PDZD2: variants seen among roughly 807,000 people sequenced by gnomAD.
PDZD2 encodes PDZ domain-containing protein 2.
A neutral mutation model predicts 220.7 loss-of-function variants in PDZD2; 90 were observed. That is an observed-to-expected ratio of 0.41 (90% CI 0.34 to 0.49). The LOEUF is 0.49. Ranked by LOEUF, PDZD2 falls within the 20% of genes least tolerant of loss-of-function variation. The probability of loss-of-function intolerance (pLI) is 0.28; values close to 1 mark genes in which losing one functional copy is unlikely to be tolerated. For synonymous variants in PDZD2, 1,375 were observed against 1,450.5 expected (o/e 0.95, Z 1.18); for missense variants, 3,174 against 3,608.5 (o/e 0.88, Z 3.08).
At chr5:32,084,796 G>A (rs1462241024) in intron 19 of PDZD2, among the ~76,000 whole-genome samples, 2 of 151,940 alleles carry the variant, frequency 1.3e-5, no homozygotes, top group African/African-American at 4.8e-5. Flanking sequence ...CCAAGACTAT[G>A]CAGGGCCTTA....
intron 14 of PDZD2, among the ~76,000 whole-genome samples, chr5:32,062,016 T>A (rs1739738852): frequency 6.6e-6 from 1 of 152,132 alleles, no homozygotes; most frequent in Non-Finnish European, 1.5e-5. Flanking sequence ...AAGCAATCAA[T>A]CCACTTCGGG....
intron 2 of PDZD2, among the ~76,000 whole-genome samples, chr5:31,860,987 C>T (rs1279331885): frequency 6.6e-6 from 1 of 152,022 alleles, no homozygotes; most frequent in Non-Finnish European, 1.5e-5. Flanking sequence ...ATTCCATGCC[C>T]CAGAGACAAG....
rs535361976 is a variant in PDZD2 at position 31,749,639 on chromosome 5, G to A, written c.-360-49250G>A. On this transcript the variant is annotated intron_variant, in intron 1 of 24. Transcript: ENST00000438447. ...GCGTTTCACCATGTTGGCCAGGCTGGTCTCGAACTCCTGACCTTGTGATCT... is the reference window on the plus strand; with the variant it reads ...GCGTTTCACCATGTTGGCCAGGCTGATCTCGAACTCCTGACCTTGTGATCT... Among the ~76,000 whole-genome samples, 3 of 152,266 alleles carry A rather than the reference G, an allele frequency of 2.0e-5. No homozygotes were observed. In the East Asian group the frequency reaches 5.8e-4, roughly 29 times the overall value.
At position 32,089,229 on chromosome 5, in the gene PDZD2, T is replaced by G; in HGVS notation, c.5781T>G (p.Leu1927=). The G allele has an allele frequency of 6.2e-7, 1 of 1,614,080 alleles. No homozygotes were observed. Among genetic ancestry groups the G allele is most frequent in the Non-Finnish European group, 8.5e-7 (1 of 1,180,004 alleles). The part of the protein sequence containing the change: ...LISPQTSHKT[L]SKAVSQRLHV... ...CACCCCAGACCTCCCACAAAACACTTTCTAAGGCAGTGTCACAGCGGCTCC... is the reference window on the plus strand; with the variant it reads ...CACCCCAGACCTCCCACAAAACACTGTCTAAGGCAGTGTCACAGCGGCTCC... The change falls in exon 20 of 25, where the codon CTT becomes CTG. Residue 1927 remains leucine (L), a synonymous_variant. Transcript: ENST00000438447.
chr5:31,885,911 AG>A (rs1740418813), intron 2 of PDZD2, among the ~76,000 whole-genome samples: 1 of 130,292 alleles, frequency 7.7e-6, no homozygotes, highest in East Asian at 2.4e-4. Context: ...TTTTTGAGTT[AG>A]TTTTTTGGTT....
intron 2 of PDZD2, among the ~76,000 whole-genome samples, chr5:31,967,954 T>C (rs1748907709): frequency 6.6e-6 from 1 of 152,200 alleles, no homozygotes; most frequent in Non-Finnish European, 1.5e-5. Flanking sequence ...AAAATGCAGT[T>C]GATATGATTG....
At chr5:31,880,791 C>CTTTTTCCTTTT (rs1739798959) in intron 2 of PDZD2, among the ~76,000 whole-genome samples, 1 of 76,484 alleles carries the variant, frequency 1.3e-5, no homozygotes, top group African/African-American at 6.5e-5. Context: ...TTTTTTTTTT[C>CTTTTTCCTTTT]TTTTTTTTTT....
intron 2 of PDZD2, among the ~76,000 whole-genome samples, chr5:31,968,233 C>T (rs1412817248): frequency 6.6e-6 from 1 of 152,182 alleles, no homozygotes; most frequent in African/African-American, 2.4e-5. Flanking sequence ...TGGTGCATGT[C>T]TGTAATCCCA....
intron 2 of PDZD2, among the ~76,000 whole-genome samples, chr5:31,966,712 C>A (rs1057031515): frequency 6.6e-6 from 1 of 152,072 alleles, no homozygotes; most frequent in Non-Finnish European, 1.5e-5. Context: ...AGGAAAAATT[C>A]GAAAGAATTG....
chr5:31,658,122 A>T (rs973285765), intron 1 of PDZD2, among the ~76,000 whole-genome samples: 2 of 152,206 alleles, frequency 1.3e-5, no homozygotes, highest in Non-Finnish European at 2.9e-5. Context: ...GCAATCGCAG[A>T]ATAATGGTCT....
chr5:31,918,945 G>T (rs1482585978), intron 2 of PDZD2, among the ~76,000 whole-genome samples: 4 of 152,174 alleles, frequency 2.6e-5, no homozygotes, highest in Non-Finnish European at 5.9e-5. Flanking sequence ...GGGAACCGCT[G>T]AGTGCTGACT....
intron 2 of PDZD2, among the ~76,000 whole-genome samples, chr5:31,860,851 T>G (rs1337226922): frequency 6.6e-6 from 1 of 152,170 alleles, no homozygotes; most frequent in Non-Finnish European, 1.5e-5. Context: ...TACAGCACAT[T>G]AACTTTGAAA....
intron 2 of PDZD2, among the ~76,000 whole-genome samples, chr5:31,917,876 A>T (rs372299820): frequency 2.0e-5 from 3 of 152,092 alleles, no homozygotes; most frequent in Admixed American, 6.6e-5. Flanking sequence ...AGTAGATGGG[A>T]CTACAGGCGT....
Position 32,013,384 on chromosome 5 carries a change from G to T in PDZD2, c.1407+2902G>T, listed in dbSNP as rs565504252. 4.8e-5 allele frequency among the ~76,000 whole-genome samples: 7 copies of T among 146,772 alleles called. 1 individual carries two copies. The South Asian group carries it at 8.5e-4, about 18-fold the overall frequency. On this transcript the variant is annotated intron_variant, in intron 6 of 24. Coordinates refer to ENST00000438447, the MANE Select transcript of PDZD2 (RefSeq NM_178140.4). ...ATAGCAGTAAAATTGCTTAGTCAAA[G>T]GTTTTTTTCTGGGGAGATTATAGTA... is the stretch of plus-strand genomic sequence containing the variant.
intron 1 of PDZD2, among the ~76,000 whole-genome samples, chr5:31,720,655 A>C (rs1194621274): frequency 6.6e-6 from 1 of 152,232 alleles, no homozygotes; most frequent in Non-Finnish European, 1.5e-5. Context: ...TGATTGGACA[A>C]AAAGCATATG....
chr5:31,988,615 C>T (rs1750917022), intron 3 of PDZD2, among the ~76,000 whole-genome samples: 1 of 152,192 alleles, frequency 6.6e-6, no homozygotes, highest in Admixed American at 6.5e-5. Flanking sequence ...CCCCTGACTC[C>T]AGAAGATGGG....
chr5:31,773,631 C>CT (rs1752466319), intron 1 of PDZD2, among the ~76,000 whole-genome samples: 1 of 152,050 alleles, frequency 6.6e-6, no homozygotes, highest in African/African-American at 2.4e-5. Context: ...GCTTAGGTGA[C>CT]AGAGCAAGAC....
intron 6 of PDZD2, among the ~76,000 whole-genome samples, chr5:32,034,482 C>T (rs1024179417): frequency 2.0e-5 from 3 of 151,300 alleles, no homozygotes; most frequent in African/African-American, 7.3e-5. Context: ...CCTTAGCCTT[C>T]AGAGTAGCTG....
intron 1 of PDZD2, among the ~76,000 whole-genome samples, chr5:31,673,133 A>T (rs1746280147): frequency 6.6e-6 from 1 of 152,194 alleles, no homozygotes; most frequent in African/African-American, 2.4e-5. Context: ...GACCTCTAAA[A>T]GTCAGTGGCA....
Sources: allele counts gnomAD v4.1 joint callset (sites outside exome capture counted in the v4.1 genomes callset), GRCh38; gene constraint gnomAD v4.1.1; transcripts MANE v1.5; gene names NCBI Gene and HGNC (gene_info 2026-07-23, HGNC 2026-07-21).